Variants in BCAS3 observed in about 807,000 individuals in gnomAD.
BCAS3 encodes BCAS3 microtubule associated cell migration factor.
In BCAS3, 53 loss-of-function variants were observed where a neutral mutation model predicts 116.1. That is an observed-to-expected ratio of 0.46 (90% CI 0.37 to 0.57). The LOEUF is 0.57. Ranked by LOEUF, BCAS3 falls within the 20% of genes least tolerant of loss-of-function variation. The pLI is 0.00. For synonymous variants in BCAS3, 391 were observed against 408.2 expected, an observed-to-expected ratio of 0.96 and a Z score of 0.51; for missense variants, 917 against 1,165.4, an observed-to-expected ratio of 0.79 and a Z score of 3.10.
intron 22 of BCAS3, among the ~76,000 whole-genome samples, chr17:61,318,319 G>A (rs67343213): frequency 0.32 from 48,608 of 152,128 alleles, 11,972 homozygotes; most frequent in African/African-American, 0.69. Context: ...ACTTTTCTCA[G>A]TTGGAAACTT....
intron 6 of BCAS3, among the ~76,000 whole-genome samples, chr17:60,783,556 A>G (rs1302240206): frequency 6.6e-6 from 1 of 152,202 alleles, no homozygotes; most frequent in Non-Finnish European, 1.5e-5. Flanking sequence ...GGCAGGGGCT[A>G]TGTGAGAGAT....
At position 61,167,842 on chromosome 17, in the gene BCAS3, G is replaced by C. The variant is rs557963765; in HGVS notation, c.2425+83278G>C. Among the ~76,000 whole-genome samples the C allele has an allele frequency of 4.0e-4, 61 of 152,306 alleles. No individual in the cohort carries two copies. The South Asian group carries it at 0.012, about 30-fold the overall frequency. On this transcript the variant is annotated intron_variant, in intron 22 of 23. Coordinates refer to ENST00000407086, the MANE Select transcript of BCAS3 (RefSeq NM_017679.5). ...AAGGGCTGTGACTTGCATTTTGTTT[G>C]TTAGTGCTTTGATGATTCGTAGCTA... is the stretch of plus-strand genomic sequence containing the variant.
intron 6 of BCAS3, among the ~76,000 whole-genome samples, chr17:60,791,715 G>T (rs986667806): frequency 1.3e-5 from 2 of 152,132 alleles, no homozygotes; most frequent in African/African-American, 4.8e-5. Flanking sequence ...AAGTCCCCTG[G>T]CTACACTTTC....
rs575676572 is a variant in BCAS3 at position 61,097,609 on chromosome 17, A to T, written c.2425+13045A>T. 1.3e-5 allele frequency among the ~76,000 whole-genome samples: 2 copies of T among 152,320 alleles called. No individual in the cohort carries two copies. The highest frequency in any genetic ancestry group is 3.9e-4 in the East Asian group (2 of 5,190). Reference sequence around the variant, plus strand: ...TGAATAATCAAGAGGCTCTATGAGGAATCTTCAGGATATTTTTCAATAGAC... The same window carrying T: ...TGAATAATCAAGAGGCTCTATGAGGTATCTTCAGGATATTTTTCAATAGAC... On this transcript the variant is annotated intron_variant, in intron 22 of 23. Coordinates refer to ENST00000407086, the MANE Select transcript of BCAS3 (RefSeq NM_017679.5). The surrounding 1 kb of genome is among the most constrained non-coding windows in gnomAD (Gnocchi z 4.0).
In BCAS3 at chr17:61,388,491, C is replaced by A. The variant is rs2059964409; in HGVS notation, c.2594-3486C>A. On this transcript the variant is annotated intron_variant, in intron 23 of 23. Coordinates refer to ENST00000407086, the MANE Select transcript of BCAS3 (RefSeq NM_017679.5). This position sits in a 1 kb window ranked among gnomAD's most constrained non-coding sequence, Gnocchi z 6.5. The stretch of plus-strand genomic sequence containing the variant: ...TCACTGTCCTCCTTGACTGCAAACT[C>A]CCCCTCCTCACGGTGTGCCCCTGCG... 1.2e-6 allele frequency: 1 copy of A among 813,010 alleles called. No individual in the cohort carries two copies. Among genetic ancestry groups the A allele is most frequent in the African/African-American group, 1.7e-5 (1 of 57,694 alleles). 50.4% of individuals were successfully genotyped at this position (813,010 alleles called of 1,614,324 possible).
intron 21 of BCAS3, among the ~76,000 whole-genome samples, chr17:61,081,956 T>G (rs1365610762): frequency 6.6e-6 from 1 of 152,166 alleles, no homozygotes; most frequent in Non-Finnish European, 1.5e-5. Context: ...CTGTACCCCA[T>G]AGGATACCAA....
chr17:61,109,655 G>A (rs2074927075), intron 22 of BCAS3, among the ~76,000 whole-genome samples: 1 of 152,118 alleles, frequency 6.6e-6, no homozygotes, highest in African/African-American at 2.4e-5. Context: ...GGAGTGAGGT[G>A]GTATTGCACT....
chr17:61,289,204 C>T (rs78201026), intron 22 of BCAS3, among the ~76,000 whole-genome samples: 14,197 of 152,204 alleles, frequency 0.093, 827 homozygotes, highest in South Asian at 0.16. Context: ...AGAATGTACC[C>T]CCGCGACTCA....
chr17:60,955,544 A>G (rs1472810729), intron 14 of BCAS3, among the ~76,000 whole-genome samples: 1 of 151,564 alleles, frequency 6.6e-6, no homozygotes, highest in East Asian at 1.9e-4. Context: ...AAGCCCAGCT[A>G]ATTTTTTTTT....
rs1049690587 is a variant in BCAS3, at chr17:60,692,456, A to G, written c.214+2695A>G. Among the ~76,000 whole-genome samples the G allele has an allele frequency of 2.0e-5, 3 of 152,102 alleles. No homozygotes were observed. The East Asian group carries it at 5.8e-4, about 29-fold the overall frequency. On this transcript the variant is annotated intron_variant, in intron 4 of 23. Transcript: ENST00000407086. Reference sequence around the variant, plus strand: ...ACGGGGTTTCATCATGTTAGCCAGGATGGTCTCGATCTCCTGACCTCGTGA... The same window carrying G: ...ACGGGGTTTCATCATGTTAGCCAGGGTGGTCTCGATCTCCTGACCTCGTGA...
intron 22 of BCAS3, among the ~76,000 whole-genome samples, chr17:61,101,896 A>G (rs2074350177): frequency 1.3e-5 from 2 of 152,284 alleles, no homozygotes; most frequent in South Asian, 4.1e-4. Flanking sequence ...GCCTCTGTTT[A>G]TCCATCTGCA....
At chr17:61,016,270 A>C (rs1218419924) in intron 16 of BCAS3, among the ~76,000 whole-genome samples, 2 of 152,222 alleles carry the variant, frequency 1.3e-5, no homozygotes, top group Non-Finnish European at 2.9e-5. Context: ...GACAGATACA[A>C]ATATGGAGAG....
intron 21 of BCAS3, among the ~76,000 whole-genome samples, chr17:61,078,851 A>G (rs2072277802): frequency 6.6e-6 from 1 of 152,076 alleles, no homozygotes; most frequent in African/African-American, 2.4e-5. Context: ...TCTTTTCCTG[A>G]TCTTTCTGAA....
In BCAS3 at chr17:61,219,580, A is replaced by G. The variant is rs2144374794; in HGVS notation, c.2425+135016A>G. On this transcript the variant is annotated intron_variant, in intron 22 of 23. Coordinates refer to ENST00000407086, the MANE Select transcript of BCAS3 (RefSeq NM_017679.5). The surrounding 1 kb of genome is among the most constrained non-coding windows in gnomAD (Gnocchi z 5.2). The stretch of plus-strand genomic sequence containing the variant: ...TGAGGCAGATAGCATCTCAGCGATC[A>G]CTGTGCTATTTCAGCTTTCTGCTGC... Among the ~76,000 whole-genome samples the G allele has an allele frequency of 6.6e-6, 1 of 152,306 alleles. No homozygotes were observed. Among genetic ancestry groups the G allele is most frequent in the African/African-American group, 2.4e-5 (1 of 41,566 alleles).
chr17:61,040,989 G>A, intron 19 of BCAS3, 97 bp downstream of exon 19: 6 of 964,848 alleles, frequency 6.2e-6, no homozygotes, highest in East Asian at 2.4e-5. Flanking sequence ...CTGGTCCATA[G>A]GCCATGGGCC....
At chr17:60,756,316 C>T (rs1193212601) in intron 6 of BCAS3, among the ~76,000 whole-genome samples, 1 of 152,208 alleles carries the variant, frequency 6.6e-6, no homozygotes, top group East Asian at 1.9e-4. Context: ...TCCTAATGCT[C>T]ACCCACAGGC....
At position 61,276,247 on chromosome 17, in the gene BCAS3, G is replaced by A. The variant is rs2050749389; in HGVS notation, c.2426-92080G>A. Among the ~76,000 whole-genome samples, 1 of 152,042 alleles carries A rather than the reference G, an allele frequency of 6.6e-6. No homozygotes were observed. Among genetic ancestry groups the A allele is most frequent in the Non-Finnish European group, 1.5e-5 (1 of 67,996 alleles). ...GAGCACCTGTAATCCCAGCTACTTGGGAGAGTGAGGCAGGAGAATCGCTTG... is the reference window on the plus strand; with the variant it reads ...GAGCACCTGTAATCCCAGCTACTTGAGAGAGTGAGGCAGGAGAATCGCTTG... On this transcript the variant is annotated intron_variant, in intron 22 of 23. Coordinates refer to ENST00000407086, the MANE Select transcript of BCAS3 (RefSeq NM_017679.5). The surrounding 1 kb of genome is among the most constrained non-coding windows in gnomAD (Gnocchi z 4.2).
At chr17:60,894,233 G>T (rs2057367526) in intron 10 of BCAS3, among the ~76,000 whole-genome samples, 1 of 151,852 alleles carries the variant, frequency 6.6e-6, no homozygotes, top group Admixed American at 6.6e-5. Flanking sequence ...TTTTCCATTT[G>T]TTGGTGTTTA....
intron 6 of BCAS3, among the ~76,000 whole-genome samples, chr17:60,792,388 C>T (rs754800520): frequency 1.8e-4 from 27 of 152,196 alleles, no homozygotes; most frequent in South Asian, 6.2e-4. Flanking sequence ...ACCCCCCGCT[C>T]GCTTGCTTAC....
Sources: allele counts gnomAD v4.1 joint callset (sites outside exome capture counted in the v4.1 genomes callset), GRCh38; gene constraint gnomAD v4.1.1; non-coding constraint Gnocchi (gnomAD v3.1); transcripts MANE v1.5; gene names NCBI Gene and HGNC (gene_info 2026-07-23, HGNC 2026-07-21).